Variants in IGF2BP3 observed in about 807,000 individuals in gnomAD.
IGF2BP3 encodes the protein insulin-like growth factor 2 mRNA-binding protein 3.
A neutral mutation model predicts 73.8 loss-of-function variants in IGF2BP3; 9 were observed. The ratio of observed to expected loss-of-function variants is 0.12; its 90% CI spans 0.07 to 0.21. The LOEUF (loss-of-function observed/expected upper bound fraction) is 0.21. IGF2BP3 is among the 10% of genes least tolerant of loss of function. IGF2BP3 has a pLI of 1.00. For missense variants in IGF2BP3, 542 were observed against 714.0 expected (o/e 0.76, Z 2.75); for synonymous variants, 258 against 256.7 (o/e 1.01, Z -0.05).
intron 2 of IGF2BP3, among the ~76,000 whole-genome samples, chr7:23,428,348 T>C (rs1209839362): frequency 6.6e-6 from 1 of 151,762 alleles, no homozygotes; most frequent in Non-Finnish European, 1.5e-5. Context: ...GGCATGCGCC[T>C]ATAATCCCAG....
intron 10 of IGF2BP3, among the ~76,000 whole-genome samples, chr7:23,340,668 T>G (rs1784686241): frequency 6.6e-6 from 1 of 152,126 alleles, no homozygotes. Flanking sequence ...GAATGTCACA[T>G]GAATACCTCC....
intron 3 of IGF2BP3, among the ~76,000 whole-genome samples, chr7:23,368,343 A>AAG (rs1785444005): frequency 7.3e-6 from 1 of 137,924 alleles, no homozygotes; most frequent in African/African-American, 2.8e-5. Context: ...AAGAAAGAAA[A>AAG]AAAGAAAGAA....
In IGF2BP3 at chr7:23,351,504, G is replaced by C; in HGVS notation, c.484C>G (p.Gln162Glu). The C allele has an allele frequency of 6.2e-7, 1 of 1,614,090 alleles. No individual in the cohort carries two copies. Among genetic ancestry groups the C allele is most frequent in the Non-Finnish European group, 8.5e-7 (1 of 1,180,016 alleles). ...AYIPDEMAAQ[Q>E]NPLQQPRGRR... Reference sequence around the variant, plus strand: ...CCTCGGGGCTGCTGCAAGGGGTTTTGCTGGGCGGCCATTTCATCAGGGATA... The same window carrying C: ...CCTCGGGGCTGCTGCAAGGGGTTTTCCTGGGCGGCCATTTCATCAGGGATA... The change falls in exon 6 of 15, where the codon CAA becomes GAA. Residue 162 changes from glutamine to glutamate, a missense_variant. Gln to Glu is a conservative substitution (Grantham distance 29, BLOSUM62 2). Around this residue, in one of 2 missense-constraint regions of IGF2BP3, gnomAD observed 239 missense variants for 241.9 expected, o/e 0.99. Coordinates refer to ENST00000258729, the MANE Select transcript of IGF2BP3 (RefSeq NM_006547.3).
chr7:23,337,345 C>T (rs1275035839), intron 10 of IGF2BP3, among the ~76,000 whole-genome samples: 2 of 152,090 alleles, frequency 1.3e-5, no homozygotes, highest in Non-Finnish European at 2.9e-5. Flanking sequence ...ATGAAAATAA[C>T]CACAGGAATG....
At chr7:23,378,350 A>T (rs1455207429) in intron 3 of IGF2BP3, among the ~76,000 whole-genome samples, 3 of 141,404 alleles carry the variant, frequency 2.1e-5, no homozygotes, top group Non-Finnish European at 4.5e-5. Context: ...TGGCCTTTAG[A>T]TAGTTTTCAA....
chr7:23,376,164 T>C (rs532570730), intron 3 of IGF2BP3, among the ~76,000 whole-genome samples: 1 of 152,242 alleles, frequency 6.6e-6, no homozygotes, highest in South Asian at 2.1e-4. Flanking sequence ...GATGCTAACA[T>C]CAACATACAG....
chr7:23,320,964 AAAAAAG>A (rs1784126559), intron 10 of IGF2BP3, among the ~76,000 whole-genome samples: 1 of 144,382 alleles, frequency 6.9e-6, no homozygotes, highest in Non-Finnish European at 1.5e-5. Flanking sequence ...AAAAAAAAAA[AAAAAAG>A]AAAAAACAAA....
chr7:23,447,942 T>C (rs1403993120), intron 2 of IGF2BP3, among the ~76,000 whole-genome samples: 1 of 152,164 alleles, frequency 6.6e-6, no homozygotes, highest in Non-Finnish European at 1.5e-5. Context: ...GTCACAGCAC[T>C]GCTCTCCAGC....
At chr7:23,377,842 G>T (rs928143870) in intron 3 of IGF2BP3, among the ~76,000 whole-genome samples, 1 of 152,162 alleles carries the variant, frequency 6.6e-6, no homozygotes, top group South Asian at 2.1e-4. Context: ...AAGGAAGCCA[G>T]ACATAAAAGG....
At chr7:23,406,592 C>A (rs1786839130) in intron 3 of IGF2BP3, among the ~76,000 whole-genome samples, 1 of 151,906 alleles carries the variant, frequency 6.6e-6, no homozygotes, top group Admixed American at 6.6e-5. Context: ...TAGTGTGGAC[C>A]CAAAGAGTGA....
intron 3 of IGF2BP3, among the ~76,000 whole-genome samples, chr7:23,381,948 C>T (rs1785924305): frequency 6.6e-6 from 1 of 152,140 alleles, no homozygotes; most frequent in South Asian, 2.1e-4. Context: ...GTAACATTTG[C>T]ACTGTTCATT....
At chr7:23,317,787 C>T in intron 11 of IGF2BP3, 74 bp from the exon 12 acceptor site, 2 of 1,166,250 alleles carry the variant, frequency 1.7e-6, no homozygotes, top group Non-Finnish European at 2.6e-6. Context: ...ACCAGCCTAA[C>T]ATTTGCATGT....
intron 3 of IGF2BP3, among the ~76,000 whole-genome samples, chr7:23,411,985 T>C (rs894152058): frequency 1.9e-5 from 2 of 102,654 alleles, no homozygotes; most frequent in African/African-American, 6.6e-5. Context: ...CTTATTTCTC[T>C]TTTTTTTTTT....
In IGF2BP3 at chr7:23,440,674, G is replaced by T. The variant is rs897330926; in HGVS notation, c.237-21850C>A. 2.0e-5 allele frequency among the ~76,000 whole-genome samples: 3 copies of T among 152,146 alleles called. No individual in the cohort carries two copies. The South Asian group carries it at 6.2e-4, about 31-fold the overall frequency. ...AGCTATCCCGACATACTGTCTATTG[G>T]GGGAGCGGCACACCAGGACTCCAAC... On this transcript the variant is annotated intron_variant, in intron 2 of 14. Transcript: ENST00000258729.
chr7:23,326,645 T>C (rs1184029374), intron 10 of IGF2BP3, among the ~76,000 whole-genome samples: 1 of 149,244 alleles, frequency 6.7e-6, no homozygotes, highest in Non-Finnish European at 1.5e-5. Context: ...TTATTCACAA[T>C]AGCAAAGACT....
At chr7:23,394,673 G>C (rs1240280709) in intron 3 of IGF2BP3, 1 of 152,166 alleles carries the variant, frequency 6.6e-6, no homozygotes, top group African/African-American at 2.4e-5. Flanking sequence ...TCCATCATGC[G>C]CTACAAAGCT....
intron 2 of IGF2BP3, among the ~76,000 whole-genome samples, chr7:23,450,936 A>G (rs1401390760): frequency 6.6e-6 from 1 of 152,182 alleles, no homozygotes; most frequent in Admixed American, 6.5e-5. Flanking sequence ...ATGTAGCACC[A>G]AAGAATATCT....
chr7:23,327,956 CAG>C (rs1490458905), intron 10 of IGF2BP3, among the ~76,000 whole-genome samples: 1 of 152,166 alleles, frequency 6.6e-6, no homozygotes. Context: ...TCCCCCAATG[CAG>C]ACTTACCAGG....
chr7:23,341,795 T>A (rs1784719821), intron 10 of IGF2BP3, among the ~76,000 whole-genome samples: 1 of 151,996 alleles, frequency 6.6e-6, no homozygotes, highest in South Asian at 2.1e-4. Flanking sequence ...AAAATTTTTT[T>A]AAATAAGAAA....
Sources: allele counts gnomAD v4.1 joint callset (sites outside exome capture counted in the v4.1 genomes callset), GRCh38; gene constraint gnomAD v4.1.1; regional missense constraint gnomAD v4.1.1; transcripts MANE v1.5; gene names NCBI Gene and HGNC (gene_info 2026-07-23, HGNC 2026-07-21).